Variants in HIBCH observed in about 807,000 individuals in gnomAD.
HIBCH encodes the protein 3-hydroxyisobutyryl-CoA hydrolase.
Under a neutral mutation model 58.2 loss-of-function variants are expected in HIBCH, and 50 were observed. The ratio of observed to expected loss-of-function variants is 0.86; its 90% CI spans 0.68 to 1.09. The LOEUF is 1.09. Among genes scored for constraint, HIBCH ranks in the 50% least tolerant of loss-of-function variants. The probability of loss-of-function intolerance (pLI) is 0.00; values close to 1 mark genes in which losing one functional copy is unlikely to be tolerated. For synonymous variants in HIBCH, 151 were observed against 146.9 expected (o/e 1.03, Z -0.20); for missense variants, 450 against 449.7 (o/e 1.00, Z -0.01).
At chr2:190,194,812 CTTAGTAA>C (rs1442917070) in intron 1 of HIBCH, among the ~76,000 whole-genome samples, 2 of 151,962 alleles carry the variant, frequency 1.3e-5, no homozygotes, top group African/African-American at 4.8e-5. Context: ...ATTGGCTTAA[CTTAGTAA>C]TAAGTATTTG....
chr2:190,317,784 AG>A (rs1688742055), intron 1 of HIBCH, among the ~76,000 whole-genome samples: 1 of 151,908 alleles, frequency 6.6e-6, no homozygotes, highest in African/African-American at 2.4e-5. Flanking sequence ...ACAAAGAGTA[AG>A]GGTTATACTT....
At chr2:190,250,187 A>C (rs1281540196) in intron 8 of HIBCH, 4 of 345,628 alleles carry the variant, frequency 1.2e-5, no homozygotes, top group Non-Finnish European at 2.3e-5. Context: ...GAGCATAGCT[A>C]ATGCTTTCTT....
At chr2:190,240,286 G>C (rs577665737) in intron 11 of HIBCH, among the ~76,000 whole-genome samples, 12 of 152,254 alleles carry the variant, frequency 7.9e-5, no homozygotes, top group African/African-American at 2.4e-4. Context: ...TTTATTTGTG[G>C]AGAGGTGTTT....
At chr2:190,310,464 T>C (rs1193195622) in intron 2 of HIBCH, among the ~76,000 whole-genome samples, 2 of 152,242 alleles carry the variant, frequency 1.3e-5, no homozygotes, top group African/African-American at 4.8e-5. Context: ...TTATTCTCAC[T>C]TTATACATAT....
Position 190,220,087 on chromosome 2 carries a change from G to A in HIBCH, c.892-7012C>T, listed in dbSNP as rs144818580. On this transcript the variant is annotated intron_variant, in intron 11 of 13. Coordinates refer to ENST00000359678, the MANE Select transcript of HIBCH (RefSeq NM_014362.4). ...AAAATAAGAATTACAGATCTGACTT[G>A]TTGGCTATAATGCTATGCCACTCCT... 5.3e-3 allele frequency among the ~76,000 whole-genome samples: 801 copies of A among 152,294 alleles called. 8 individuals carry two copies. The highest frequency in any genetic ancestry group is 0.018 in the African/African-American group (758 of 41,566).
intron 6 of HIBCH, among the ~76,000 whole-genome samples, chr2:190,283,563 G>A (rs899850089): frequency 6.6e-6 from 1 of 151,980 alleles, no homozygotes; most frequent in Non-Finnish European, 1.5e-5. Flanking sequence ...TTTCTTTTGC[G>A]GCACTGAAAC....
rs1685605765 is a variant in HIBCH at position 190,217,907 on chromosome 2, T to G, written c.892-4832A>C. Among the ~76,000 whole-genome samples, 1 of 152,012 alleles carries G rather than the reference T, an allele frequency of 6.6e-6. No individual in the cohort carries two copies. The highest frequency in any genetic ancestry group is 2.1e-4 in the South Asian group (1 of 4,814). On this transcript the variant is annotated intron_variant, in intron 11 of 13. Coordinates refer to ENST00000359678, the MANE Select transcript of HIBCH (RefSeq NM_014362.4). The surrounding 1 kb of genome is among the most constrained non-coding windows in gnomAD (Gnocchi z 4.6). The stretch of plus-strand genomic sequence containing the variant: ...AAATCACCTAAGAAACCCTTAAAGC[T>G]AACTCTAAGGAAAACCTAAAGGAAG...
intron 11 of HIBCH, among the ~76,000 whole-genome samples, chr2:190,242,391 G>C (rs1006976663): frequency 6.6e-6 from 1 of 151,978 alleles, no homozygotes; most frequent in Non-Finnish European, 1.5e-5. Context: ...AAAGGAGTTT[G>C]TTATTACCCA....
chr2:190,233,203 A>G (rs900652191), intron 11 of HIBCH, among the ~76,000 whole-genome samples: 8 of 152,174 alleles, frequency 5.3e-5, no homozygotes, highest in African/African-American at 1.9e-4. Flanking sequence ...AAAGAACTAT[A>G]AAGGAAAAAA....
chr2:190,268,761 T>C (rs564790029), intron 6 of HIBCH, among the ~76,000 whole-genome samples: 1 of 152,352 alleles, frequency 6.6e-6, no homozygotes, highest in Non-Finnish European at 1.5e-5. Flanking sequence ...AACTGCTCCT[T>C]GTGGAGCAGG....
chr2:190,292,511 A>C (rs1236581068), intron 4 of HIBCH, among the ~76,000 whole-genome samples: 4 of 152,172 alleles, frequency 2.6e-5, no homozygotes, highest in Non-Finnish European at 5.9e-5. Context: ...GGGTTTCACC[A>C]CATTGCCCAG....
intron 6 of HIBCH, among the ~76,000 whole-genome samples, chr2:190,283,739 A>T (rs1687764258): frequency 6.6e-6 from 1 of 152,218 alleles, no homozygotes; most frequent in African/African-American, 2.4e-5. Context: ...GGAAGAAAAG[A>T]CACAATATTT....
intron 6 of HIBCH, among the ~76,000 whole-genome samples, chr2:190,278,675 A>T (rs1326932078): frequency 5.3e-5 from 8 of 151,666 alleles, no homozygotes; most frequent in Admixed American, 4.6e-4. Context: ...GGGAGCTTTA[A>T]AAATGCCTAG....
At chr2:190,294,438 A>G (rs1688051201) in intron 4 of HIBCH, 108 bp downstream of exon 4, 1 of 765,064 alleles carries the variant, frequency 1.3e-6, no homozygotes, top group Admixed American at 2.3e-5. Context: ...TTTATAATAA[A>G]AAGTTCTAAA....
At chr2:190,263,649 T>C (rs577566976) in intron 6 of HIBCH, among the ~76,000 whole-genome samples, 1 of 152,346 alleles carries the variant, frequency 6.6e-6, no homozygotes, top group South Asian at 2.1e-4. Flanking sequence ...TCGTCTTGAA[T>C]GTCTAATAAG....
At position 190,223,370 on chromosome 2, in the gene HIBCH, T is replaced by C. The variant is rs187682363; in HGVS notation, c.892-10295A>G. On this transcript the variant is annotated intron_variant, in intron 11 of 13. Transcript: ENST00000359678. Reference sequence around the variant, plus strand: ...CCACCTCAGCCTCCTGAGTATATGGTACTACATGCATGCCACCATGCCCTA... The same window carrying C: ...CCACCTCAGCCTCCTGAGTATATGGCACTACATGCATGCCACCATGCCCTA... 9.2e-5 allele frequency among the ~76,000 whole-genome samples: 14 copies of C among 152,316 alleles called. No homozygotes were observed. In the East Asian group the frequency reaches 2.5e-3, roughly 27 times the overall value.
At chr2:190,251,090 T>C (rs1487426029) in intron 8 of HIBCH, among the ~76,000 whole-genome samples, 1 of 152,144 alleles carries the variant, frequency 6.6e-6, no homozygotes, top group African/African-American at 2.4e-5. Flanking sequence ...TACAAGAGAC[T>C]CTCAATGAAA....
intron 6 of HIBCH, among the ~76,000 whole-genome samples, chr2:190,264,995 C>A (rs73057818): frequency 0.025 from 3,837 of 151,768 alleles, 179 homozygotes; most frequent in African/African-American, 0.088. Context: ...TGGTGTCATG[C>A]GCCTGTAATC....
chr2:190,218,540 C>G (rs934707550), intron 11 of HIBCH, among the ~76,000 whole-genome samples: 1 of 152,094 alleles, frequency 6.6e-6, no homozygotes, highest in Non-Finnish European at 1.5e-5. Context: ...CTTCCTTTAA[C>G]CCACCAGACA....
Sources: gnomAD v4.1 joint callset for allele counts (sites outside exome capture counted in the v4.1 genomes callset) on GRCh38, gnomAD v4.1.1 for gene constraint, Gnocchi (gnomAD v3.1) non-coding constraint, MANE v1.5 for transcripts, NCBI Gene and HGNC (gene_info 2026-07-23, HGNC 2026-07-21) for gene names.